Variants in SRPK2 observed in about 807,000 individuals in gnomAD.
The protein encoded by SRPK2 is SRSF protein kinase 2.
A neutral mutation model predicts 90.8 loss-of-function variants in SRPK2; 21 were observed. The ratio of observed to expected loss-of-function variants is 0.23; its 90% confidence interval spans 0.16 to 0.33. The LOEUF (loss-of-function observed/expected upper bound fraction) is 0.33. Among genes scored for constraint, SRPK2 ranks in the 10% least tolerant of loss-of-function variants. The pLI is 1.00. For missense variants in SRPK2, 620 were observed against 869.0 expected (o/e 0.71, Z 3.60); for synonymous variants, 288 against 311.1 (o/e 0.93, Z 0.78).
intron 15 of SRPK2, among the ~76,000 whole-genome samples, chr7:105,120,593 A>C (rs1800193539): frequency 6.6e-6 from 1 of 152,180 alleles, no homozygotes; most frequent in Non-Finnish European, 1.5e-5. Context: ...GAGAGTCCTA[A>C]ACACCTATGG....
intron 2 of SRPK2, among the ~76,000 whole-genome samples, chr7:105,331,493 A>G (rs959953087): frequency 1.3e-5 from 2 of 152,104 alleles, no homozygotes; most frequent in South Asian, 2.1e-4. Flanking sequence ...AAGGAGAAAA[A>G]ATAATTTCTG....
intron 2 of SRPK2, among the ~76,000 whole-genome samples, chr7:105,366,822 T>C (rs1819117812): frequency 1.3e-5 from 2 of 152,218 alleles, no homozygotes; most frequent in Non-Finnish European, 2.9e-5. Context: ...TTTTTCACTA[T>C]AGTCATGTAT....
chr7:105,230,569 T>C (rs553849410), intron 2 of SRPK2, among the ~76,000 whole-genome samples: 1 of 152,338 alleles, frequency 6.6e-6, no homozygotes, highest in South Asian at 2.1e-4. Context: ...CCAGATTTCT[T>C]TTCCTATAAA....
At chr7:105,252,480 T>C (rs1455349962) in intron 2 of SRPK2, among the ~76,000 whole-genome samples, 1 of 152,146 alleles carries the variant, frequency 6.6e-6, no homozygotes, top group African/African-American at 2.4e-5. Context: ...AGTTGAGTGG[T>C]TTTTGAATTT....
At chr7:105,354,689 C>T (rs1817589195) in intron 2 of SRPK2, among the ~76,000 whole-genome samples, 2 of 152,216 alleles carry the variant, frequency 1.3e-5, no homozygotes, top group African/African-American at 2.4e-5. Context: ...GACATTGCTA[C>T]TCCTAGCAGC....
intron 2 of SRPK2, among the ~76,000 whole-genome samples, chr7:105,359,275 C>G (rs1246349322): frequency 2.7e-5 from 4 of 150,426 alleles, no homozygotes; most frequent in African/African-American, 9.8e-5. Flanking sequence ...TCACCTGCCT[C>G]AGCCTCCCAA....
At chr7:105,201,635 G>GAA (rs10675341) in intron 3 of SRPK2, among the ~76,000 whole-genome samples, 60,895 of 145,774 alleles carry the variant, frequency 0.42, 14,030 homozygotes, top group Non-Finnish European at 0.52. Flanking sequence ...GCTACCAGAA[G>GAA]AAAAAAAAAA....
At chr7:105,136,681 A>G (rs1802853301) in intron 11 of SRPK2, among the ~76,000 whole-genome samples, 1 of 152,212 alleles carries the variant, frequency 6.6e-6, no homozygotes, top group Admixed American at 6.5e-5. Flanking sequence ...ACACGCACAT[A>G]ACACATGGAG....
chr7:105,135,909 C>T (rs990905359), intron 11 of SRPK2, among the ~76,000 whole-genome samples: 12 of 151,918 alleles, frequency 7.9e-5, no homozygotes, highest in African/African-American at 2.4e-4. Flanking sequence ...GGATTACAGG[C>T]GCCTGAAACC....
chr7:105,170,727 AAAGAAAGGG>A (rs1249436569), intron 3 of SRPK2, among the ~76,000 whole-genome samples: 3 of 107,154 alleles, frequency 2.8e-5, no homozygotes, highest in African/African-American at 9.8e-5. Context: ...AAAGAAAAGG[AAAGAAAGGG>A]AAGAAAGGGA....
chr7:105,288,614 CAAA>C (rs893376535), intron 2 of SRPK2, among the ~76,000 whole-genome samples: 24 of 151,920 alleles, frequency 1.6e-4, no homozygotes, highest in African/African-American at 2.9e-4. Context: ...TAAACAACAA[CAAA>C]AAAAATATAT....
intron 2 of SRPK2, among the ~76,000 whole-genome samples, chr7:105,281,618 T>C (rs769060668): frequency 1.3e-5 from 2 of 149,226 alleles, no homozygotes; most frequent in African/African-American, 2.5e-5. Flanking sequence ...CACCTGTGGA[T>C]AGTCACTGCA....
intron 2 of SRPK2, among the ~76,000 whole-genome samples, chr7:105,287,096 C>A (rs968301131): frequency 6.6e-6 from 1 of 150,674 alleles, no homozygotes; most frequent in Non-Finnish European, 1.5e-5. Context: ...CCCGTCTCTA[C>A]TAAAAATACA....
At chr7:105,228,531 G>T (rs1243703909) in intron 2 of SRPK2, among the ~76,000 whole-genome samples, 3 of 152,202 alleles carry the variant, frequency 2.0e-5, no homozygotes, top group Non-Finnish European at 2.9e-5. Flanking sequence ...TTTAAAAAAA[G>T]TTTTTGGAGA....
At chr7:105,168,975 G>C (rs1790458853) in intron 4 of SRPK2, among the ~76,000 whole-genome samples, 182 bp downstream of exon 4, 1 of 152,056 alleles carries the variant, frequency 6.6e-6, no homozygotes, top group South Asian at 2.1e-4. Flanking sequence ...AATATTTTAA[G>C]ATTTCAAATG....
intron 13 of SRPK2, among the ~76,000 whole-genome samples, chr7:105,130,905 G>A (rs1801908200): frequency 6.6e-6 from 1 of 152,232 alleles, no homozygotes; most frequent in South Asian, 2.1e-4. Flanking sequence ...TTGGGAAGGG[G>A]GCAGGTGAGA....
chr7:105,275,077 G>T (rs1278997803), intron 2 of SRPK2, among the ~76,000 whole-genome samples: 1 of 151,832 alleles, frequency 6.6e-6, no homozygotes, highest in Non-Finnish European at 1.5e-5. Context: ...TAGTAGAGAC[G>T]GGGGTTTCAC....
At chr7:105,265,861 AT>A (rs34042895) in intron 2 of SRPK2, among the ~76,000 whole-genome samples, 2 of 151,876 alleles carry the variant, frequency 1.3e-5, no homozygotes, top group Admixed American at 1.3e-4. Flanking sequence ...ATCATTAGGC[AT>A]TTTTTTTAAA....
intron 2 of SRPK2, among the ~76,000 whole-genome samples, chr7:105,253,903 A>C (rs1055246753): frequency 2.0e-5 from 1 of 49,322 alleles, no homozygotes; most frequent in Non-Finnish European, 5.8e-5. Flanking sequence ...TTAAAAAAAA[A>C]CAAACAAACA....
Sources: gnomAD v4.1 joint callset for allele counts (sites outside exome capture counted in the v4.1 genomes callset) on GRCh38, gnomAD v4.1.1 for gene constraint, MANE v1.5 for transcripts, NCBI Gene and HGNC (gene_info 2026-07-23, HGNC 2026-07-21) for gene names.